ZSWIM5: variants seen among roughly 807,000 people sequenced by gnomAD.
ZSWIM5 encodes zinc finger SWIM domain-containing protein 5.
In ZSWIM5, 55 loss-of-function variants were observed where a neutral mutation model predicts 119.6. The observed-to-expected ratio is 0.46, with a 90% CI of 0.37 to 0.58. The LOEUF is 0.58. Among genes scored for constraint, ZSWIM5 ranks in the 20% least tolerant of loss-of-function variants. The probability of loss-of-function intolerance (pLI) is 0.00; values close to 1 mark genes in which losing one functional copy is unlikely to be tolerated. For synonymous variants in ZSWIM5, 537 were observed against 606.9 expected, an observed-to-expected ratio of 0.88 and a Z score of 1.69; for missense variants, 1,193 against 1,512.8, an observed-to-expected ratio of 0.79 and a Z score of 3.51.
chr1:45,081,656 T>C (rs2149008874), intron 2 of ZSWIM5, among the ~76,000 whole-genome samples: 1 of 152,144 alleles, frequency 6.6e-6, no homozygotes, highest in East Asian at 1.9e-4. Context: ...GATCTCGGCT[T>C]GCTACAACCT....
At chr1:45,183,683 C>G (rs1355135090) in intron 1 of ZSWIM5, among the ~76,000 whole-genome samples, 1 of 152,140 alleles carries the variant, frequency 6.6e-6, no homozygotes, top group African/African-American at 2.4e-5. Flanking sequence ...CATATACTCT[C>G]CCAAGACTAA....
rs140005527 is a variant in ZSWIM5 at position 45,145,677 on chromosome 1, G to C, written c.596-57440C>G. ...CAAGTGTTAAGAGTGTAACTACAATGGGAGGGAGTTTTTTGGGGTGATGGA... is the reference window on the plus strand; with the variant it reads ...CAAGTGTTAAGAGTGTAACTACAATCGGAGGGAGTTTTTTGGGGTGATGGA... On this transcript the variant is annotated intron_variant, in intron 1 of 13. Coordinates refer to ENST00000359600, the MANE Select transcript of ZSWIM5 (RefSeq NM_020883.2). Among the ~76,000 whole-genome samples the C allele has an allele frequency of 1.9e-4, 29 of 152,190 alleles. No individual in the cohort carries two copies. In the East Asian group the frequency reaches 5.6e-3, roughly 29 times the overall value.
At chr1:45,091,014 T>A (rs986342176) in intron 1 of ZSWIM5, among the ~76,000 whole-genome samples, 4 of 152,198 alleles carry the variant, frequency 2.6e-5, no homozygotes, top group African/African-American at 9.7e-5. Context: ...TTTACAACTC[T>A]GAGCCTTAGA....
In ZSWIM5 at chr1:45,206,327, C is replaced by T. The variant is rs745325123; in HGVS notation, c.24G>A (p.Glu8=). 5 of 1,502,578 alleles carry T rather than the reference C, an allele frequency of 3.3e-6. No individual in the cohort carries two copies. The highest frequency in any genetic ancestry group is 3.6e-6 in the Non-Finnish European group (4 of 1,125,140). The allele number at this position is 1,502,578 out of a possible 1,614,324, so 93.1% of individuals were successfully genotyped here. The change falls in exon 1 of 14, where the codon GAG becomes GAA. Residue 8 remains glutamate, a synonymous_variant. Coordinates refer to ENST00000359600, the MANE Select transcript of ZSWIM5 (RefSeq NM_020883.2). MADGGER[E]ELLSPSPVSP... Reference sequence around the variant, plus strand: ...AGACCGGTGACGGCGAGAGCAGCTCCTCTCGCTCACCTCCGTCCGCCATTG... The same window carrying T: ...AGACCGGTGACGGCGAGAGCAGCTCTTCTCGCTCACCTCCGTCCGCCATTG...
At chr1:45,180,432 C>T (rs1402840881) in intron 1 of ZSWIM5, among the ~76,000 whole-genome samples, 1 of 152,180 alleles carries the variant, frequency 6.6e-6, no homozygotes, top group Non-Finnish European at 1.5e-5. Context: ...AGCCGGGAAG[C>T]TCCAACTGGG....
intron 1 of ZSWIM5, among the ~76,000 whole-genome samples, chr1:45,092,541 C>A (rs895242953): frequency 3.4e-5 from 3 of 89,144 alleles, no homozygotes; most frequent in Admixed American, 9.3e-5. Context: ...GTGATCCACC[C>A]CCCCCCCCCC....
chr1:45,133,883 C>T (rs1463820207), intron 1 of ZSWIM5, among the ~76,000 whole-genome samples: 6 of 152,002 alleles, frequency 3.9e-5, no homozygotes, highest in Non-Finnish European at 7.4e-5. Context: ...TTCCCCATTG[C>T]TTGTTTTTGT....
At chr1:45,138,321 T>A (rs981973800) in intron 1 of ZSWIM5, among the ~76,000 whole-genome samples, 1 of 151,810 alleles carries the variant, frequency 6.6e-6, no homozygotes, top group African/African-American at 2.4e-5. Context: ...CTGGCCAACA[T>A]GGCAAAATCC....
chr1:45,100,850 T>C (rs1308897132), intron 1 of ZSWIM5, among the ~76,000 whole-genome samples: 1 of 152,224 alleles, frequency 6.6e-6, no homozygotes, highest in Admixed American at 6.5e-5. Flanking sequence ...TAGCCATATG[T>C]AGAAAGCTGA....
At chr1:45,118,253 G>A (rs346734) in intron 1 of ZSWIM5, among the ~76,000 whole-genome samples, 24,495 of 152,080 alleles carry the variant, frequency 0.16, 2,044 homozygotes, top group African/African-American at 0.19. Context: ...AATAAACTGT[G>A]GTCCAAGATG....
At chr1:45,065,746 G>A (rs964728412) in intron 2 of ZSWIM5, among the ~76,000 whole-genome samples, 2 of 152,066 alleles carry the variant, frequency 1.3e-5, no homozygotes, top group African/African-American at 4.8e-5. Flanking sequence ...TAATATTTGG[G>A]GCATCGAGGT....
chr1:45,204,996 T>C (rs1311102248), intron 1 of ZSWIM5, among the ~76,000 whole-genome samples: 1 of 152,040 alleles, frequency 6.6e-6, no homozygotes, highest in Non-Finnish European at 1.5e-5. Flanking sequence ...TATTTTTCCA[T>C]AACAAAAAGA....
At chr1:45,038,293 G>C (rs1644997242) in intron 8 of ZSWIM5, among the ~76,000 whole-genome samples, 1 of 152,166 alleles carries the variant, frequency 6.6e-6, no homozygotes, top group South Asian at 2.1e-4. Flanking sequence ...ATTCTTAATG[G>C]AAGTTCTTTC....
chr1:45,022,898 C>T (rs1334560844), intron 11 of ZSWIM5, among the ~76,000 whole-genome samples: 2 of 152,210 alleles, frequency 1.3e-5, no homozygotes, highest in African/African-American at 2.4e-5. Flanking sequence ...CATCATTACA[C>T]GTGGATTCAA....
chr1:45,020,259 C>G (rs1644880341), intron 12 of ZSWIM5, 112 bp from the exon 13 acceptor site: 1 of 840,708 alleles, frequency 1.2e-6, no homozygotes, highest in Non-Finnish European at 2.0e-6. Context: ...ACAGTGGTCT[C>G]TCCGCTGATA....
chr1:45,101,597 T>A (rs1188389156), intron 1 of ZSWIM5, among the ~76,000 whole-genome samples: 1 of 152,168 alleles, frequency 6.6e-6, no homozygotes, highest in Non-Finnish European at 1.5e-5. Flanking sequence ...CACATGTATG[T>A]TTACTGCAAC....
At chr1:45,134,152 T>A (rs995769323) in intron 1 of ZSWIM5, among the ~76,000 whole-genome samples, 9 of 152,150 alleles carry the variant, frequency 5.9e-5, no homozygotes, top group Admixed American at 2.0e-4. Flanking sequence ...GTGAAGAAAG[T>A]CACTGGTAGC....
Position 45,145,233 on chromosome 1 carries a change from G to A in ZSWIM5, c.596-56996C>T, listed in dbSNP as rs531883996. 3.9e-4 allele frequency among the ~76,000 whole-genome samples: 59 copies of A among 151,754 alleles called. 1 individual carries two copies. The highest frequency in any genetic ancestry group is 3.0e-3 in the Admixed American group (45 of 15,208). ...GGCGTGAATACAAAATGGTACAGGC[G>A]CTCTGGAAAAGCATTTGTCAGTTTC... On this transcript the variant is annotated intron_variant, in intron 1 of 13. Transcript: ENST00000359600.
intron 1 of ZSWIM5, among the ~76,000 whole-genome samples, chr1:45,204,419 G>C (rs1646175190): frequency 6.6e-6 from 1 of 152,030 alleles, no homozygotes; most frequent in Admixed American, 6.6e-5. Context: ...CACAAATAAA[G>C]GACTAACCTC....
Sources: gnomAD v4.1 joint callset for allele counts (sites outside exome capture counted in the v4.1 genomes callset) on GRCh38, gnomAD v4.1.1 for gene constraint, MANE v1.5 for transcripts, NCBI Gene and HGNC (gene_info 2026-07-23, HGNC 2026-07-21) for gene names.